Variants in TPST1 observed in about 807,000 individuals in gnomAD.
TPST1 encodes tyrosylprotein sulfotransferase 1.
TPST1 carries 20 observed loss-of-function variants against 34.8 expected under a neutral mutation model. The observed-to-expected ratio is 0.57, with a 90% CI of 0.40 to 0.84. The LOEUF is 0.84. Ranked by LOEUF, TPST1 falls within the 40% of genes least tolerant of loss-of-function variation. The probability of loss-of-function intolerance (pLI) is 0.00; values close to 1 mark genes in which losing one functional copy is unlikely to be tolerated. For synonymous variants in TPST1, 152 were observed against 159.4 expected (o/e 0.95, Z 0.35); for missense variants, 353 against 455.5 (o/e 0.78, Z 2.05).
rs541917740 is a variant in TPST1 at position 66,255,845 on chromosome 7, TA to T, written c.845+14585del. On this transcript the variant is annotated intron_variant, in intron 2 of 5. Coordinates refer to ENST00000304842, the MANE Select transcript of TPST1 (RefSeq NM_003596.4). Reference sequence around the variant, plus strand: ...TAGTACTGTCAAATTCTCTTCTGCTTAAAAAAAAAACCAACTAGATTTAAGT... The same window carrying T: ...TAGTACTGTCAAATTCTCTTCTGCTTAAAAAAAAACCAACTAGATTTAAGT... Among the ~76,000 whole-genome samples the T allele has an allele frequency of 3.3e-3, 495 of 148,804 alleles. 5 individuals carry two copies. The highest frequency in any genetic ancestry group is 6.8e-3 in the East Asian group (35 of 5,112).
chr7:66,296,349 T>C (rs1791198075), intron 3 of TPST1, among the ~76,000 whole-genome samples: 1 of 149,416 alleles, frequency 6.7e-6, no homozygotes, highest in South Asian at 2.1e-4. Context: ...TTGGGCCTTT[T>C]GTGGTAATGC....
intron 3 of TPST1, among the ~76,000 whole-genome samples, chr7:66,317,340 G>A (rs1287063767): frequency 2.6e-5 from 4 of 151,940 alleles, no homozygotes; most frequent in Non-Finnish European, 5.9e-5. Context: ...TACTTTCTTT[G>A]GCTGTATTCT....
At chr7:66,244,523 T>C (rs771260081) in intron 2 of TPST1, among the ~76,000 whole-genome samples, 19 of 152,190 alleles carry the variant, frequency 1.2e-4, no homozygotes, top group Non-Finnish European at 2.4e-4. Flanking sequence ...CTGTTCCAGT[T>C]ACAGAAAAGT....
At chr7:66,219,283 A>G (rs1481425342) in intron 1 of TPST1, among the ~76,000 whole-genome samples, 1 of 152,144 alleles carries the variant, frequency 6.6e-6, no homozygotes, top group East Asian at 1.9e-4. Flanking sequence ...ATTTTGGGCT[A>G]GAGGCATAAT....
chr7:66,325,728 C>T (rs1360184085), intron 3 of TPST1, among the ~76,000 whole-genome samples: 6 of 152,080 alleles, frequency 3.9e-5, no homozygotes, highest in African/African-American at 1.2e-4. Flanking sequence ...CTGTGCCTCC[C>T]GGATTCAAAT....
chr7:66,317,902 T>TA (rs1467058770), intron 3 of TPST1, among the ~76,000 whole-genome samples: 3 of 152,318 alleles, frequency 2.0e-5, no homozygotes, highest in East Asian at 3.9e-4. Context: ...CTCATGCCTG[T>TA]AATCCCATCA....
intron 3 of TPST1, among the ~76,000 whole-genome samples, chr7:66,297,415 G>GGGATGAT (rs1267202725): frequency 6.6e-6 from 1 of 152,190 alleles, no homozygotes; most frequent in Non-Finnish European, 1.5e-5. Context: ...CCTTGAGAGT[G>GGGATGAT]GGGATGATGC....
At chr7:66,216,814 G>A (rs1472565322) in intron 1 of TPST1, among the ~76,000 whole-genome samples, 1 of 152,184 alleles carries the variant, frequency 6.6e-6, no homozygotes, top group Non-Finnish European at 1.5e-5. Flanking sequence ...TTAGGTTGTT[G>A]ATTTGCAATC....
intron 4 of TPST1, among the ~76,000 whole-genome samples, chr7:66,355,999 ACTGCACTACAGC>A (rs1234917671): frequency 6.6e-6 from 1 of 151,702 alleles, no homozygotes; most frequent in Admixed American, 6.6e-5. Flanking sequence ...TGATTGTGCC[ACTGCACTACAGC>A]CTGGGTTACA....
intron 2 of TPST1, among the ~76,000 whole-genome samples, chr7:66,267,003 A>G (rs1361452445): frequency 6.6e-6 from 1 of 152,160 alleles, no homozygotes; most frequent in Non-Finnish European, 1.5e-5. Context: ...TGCTGTTAAG[A>G]TCTGTGTATA....
chr7:66,311,901 T>C (rs965703092), intron 3 of TPST1, among the ~76,000 whole-genome samples: 4 of 152,236 alleles, frequency 2.6e-5, no homozygotes, highest in Non-Finnish European at 4.4e-5. Flanking sequence ...ACCTTTCTCA[T>C]CTTCTCTCCC....
Position 66,216,059 on chromosome 7 carries a change from C to T in TPST1, c.-102+10537C>T, listed in dbSNP as rs761963491. Among the ~76,000 whole-genome samples the T allele has an allele frequency of 1.4e-4, 22 of 152,244 alleles. No individual in the cohort carries two copies. The South Asian group carries it at 3.1e-3, about 22-fold the overall frequency. ...GTGCTGGGATGTGAGCCACCGCGCC[C>T]GGCCAATGTCCTGGTTTTTCTTTGT... On this transcript the variant is annotated intron_variant, in intron 1 of 5. Coordinates refer to ENST00000304842, the MANE Select transcript of TPST1 (RefSeq NM_003596.4).
chr7:66,344,792 C>T (rs1023789887), intron 3 of TPST1, among the ~76,000 whole-genome samples: 1 of 148,262 alleles, frequency 6.7e-6, no homozygotes, highest in Admixed American at 6.8e-5. Flanking sequence ...GGTGCAATCT[C>T]GGCTCACTGC....
At chr7:66,202,689 C>T (rs374444266), upstream of TPST1, among the ~76,000 whole-genome samples, 33 of 152,062 alleles carry the variant, frequency 2.2e-4, no homozygotes, top group African/African-American at 7.7e-4. Context: ...GTAACTTGGC[C>T]CTTGCTTAAC....
Position 66,332,038 on chromosome 7 carries a change from G to T in TPST1, c.1045-20467G>T, listed in dbSNP as rs1035715496. Among the ~76,000 whole-genome samples the T allele has an allele frequency of 6.6e-6, 1 of 152,018 alleles. No individual in the cohort carries two copies. The highest frequency in any genetic ancestry group is 2.4e-5 in the African/African-American group (1 of 41,362). ...TACTGATTCTGCAATATAGTGAGTT[G>T]TGTAATAATTTCACTATATATTATG... On this transcript the variant is annotated intron_variant, in intron 3 of 5. Coordinates refer to ENST00000304842, the MANE Select transcript of TPST1 (RefSeq NM_003596.4). This position sits in a 1 kb window ranked among gnomAD's most constrained non-coding sequence, Gnocchi z 4.5.
In TPST1 at chr7:66,247,758, C is replaced by T. The variant is rs573035292; in HGVS notation, c.845+6488C>T. 5.1e-4 allele frequency among the ~76,000 whole-genome samples: 77 copies of T among 152,258 alleles called. 3 individuals carry two copies. In the South Asian group the frequency reaches 0.016, roughly 31 times the overall value. ...ATGAGCCACCCAAGAAATGTTACTC[C>T]TGGGAGAAGCCTGTGCCTAACTGTG... is the stretch of plus-strand genomic sequence containing the variant. On this transcript the variant is annotated intron_variant, in intron 2 of 5. Coordinates refer to ENST00000304842, the MANE Select transcript of TPST1 (RefSeq NM_003596.4).
intron 1 of TPST1, among the ~76,000 whole-genome samples, chr7:66,211,392 A>G (rs1789241463): frequency 6.6e-6 from 1 of 152,098 alleles, no homozygotes; most frequent in South Asian, 2.1e-4. Context: ...CAGCCTCCCA[A>G]AGTGCTGGGA....
chr7:66,321,748 A>G (rs1443972348), intron 3 of TPST1, among the ~76,000 whole-genome samples: 1 of 152,228 alleles, frequency 6.6e-6, no homozygotes, highest in Non-Finnish European at 1.5e-5. Flanking sequence ...AATACCTTGT[A>G]CAGTTTAATC....
At chr7:66,264,067 T>G (rs566174674) in intron 2 of TPST1, among the ~76,000 whole-genome samples, 19 of 152,326 alleles carry the variant, frequency 1.2e-4, no homozygotes, top group African/African-American at 4.3e-4. Context: ...TAAGTATTTG[T>G]TTTGCCTTCT....
Sources: allele counts gnomAD v4.1 joint callset (sites outside exome capture counted in the v4.1 genomes callset), GRCh38; gene constraint gnomAD v4.1.1; non-coding constraint Gnocchi (gnomAD v3.1); transcripts MANE v1.5; gene names NCBI Gene and HGNC (gene_info 2026-07-23, HGNC 2026-07-21).